KCNK9: variants seen among roughly 807,000 people sequenced by gnomAD.
KCNK9 encodes the protein potassium channel subfamily K member 9.
In KCNK9, 1 loss-of-function variant was observed where a neutral mutation model predicts 10.8. The observed-to-expected ratio is 0.09, with a 90% CI of 0.03 to 0.44. The LOEUF (loss-of-function observed/expected upper bound fraction) is 0.44, where lower values mean the gene tolerates loss of function less well. Ranked by LOEUF, KCNK9 falls within the 20% of genes least tolerant of loss-of-function variation. KCNK9 has a pLI of 0.97. For missense variants in KCNK9, 303 were observed against 515.0 expected (o/e 0.59, Z 3.98); for synonymous variants, 231 against 222.7 (o/e 1.04, Z -0.33).
intron 1 of KCNK9, among the ~76,000 whole-genome samples, chr8:139,687,544 A>G (rs1328575946): frequency 6.8e-5 from 9 of 132,568 alleles, no homozygotes; most frequent in African/African-American, 2.6e-4. Context: ...GTATACACAT[A>G]TATTCATATA....
intron 1 of KCNK9, among the ~76,000 whole-genome samples, chr8:139,695,346 G>A (rs567326603): frequency 1.9e-4 from 29 of 152,320 alleles, no homozygotes; most frequent in African/African-American, 6.7e-4. Flanking sequence ...AGCACATACA[G>A]GCTAAAATTT....
rs114758497 is a variant in KCNK9 at position 139,626,485 on chromosome 8, T to C, written c.284-7386A>G. Among the ~76,000 whole-genome samples the C allele has an allele frequency of 7.3e-3, 1,115 of 152,254 alleles. 8 individuals carry two copies. Among genetic ancestry groups the C allele is most frequent in the African/African-American group, 0.024 (1,005 of 41,554 alleles). ...GGGTGGAGTGGAGGAGCTCAGCCCC[T>C]GGTGTCAGGCCAGTCCAGGTTTGAG... On this transcript the variant is annotated intron_variant, in intron 1 of 1. Coordinates refer to ENST00000520439, the MANE Select transcript of KCNK9 (RefSeq NM_001282534.2).
At chr8:139,700,193 G>T (rs925423766) in intron 1 of KCNK9, among the ~76,000 whole-genome samples, 1 of 152,216 alleles carries the variant, frequency 6.6e-6, no homozygotes, top group East Asian at 1.9e-4. Context: ...ATCAGGCTTC[G>T]TCCAAGAGCG....
intron 1 of KCNK9, among the ~76,000 whole-genome samples, chr8:139,678,808 GGT>G (rs1294993059): frequency 6.6e-6 from 1 of 152,184 alleles, no homozygotes. Flanking sequence ...CAAGGTCCTA[GGT>G]CTACAGACAA....
In KCNK9 at chr8:139,702,289, C is replaced by T. The variant is rs1024738253; in HGVS notation, c.283+421G>A. On this transcript the variant is annotated intron_variant, in intron 1 of 1. Transcript: ENST00000520439. This position sits in a 1 kb window ranked among gnomAD's most constrained non-coding sequence, Gnocchi z 7.5. ...GAGTCCCTCTAGGAGCCATGGGTGC[C>T]AGGCCAGCCCTCTCCAACTCCCAGA... Among the ~76,000 whole-genome samples the T allele has an allele frequency of 1.3e-5, 2 of 152,320 alleles. No homozygotes were observed. Among genetic ancestry groups the T allele is most frequent in the African/African-American group, 4.8e-5 (2 of 41,582 alleles).
At chr8:139,626,921 C>A (rs758834305) in intron 1 of KCNK9, among the ~76,000 whole-genome samples, 5 of 152,196 alleles carry the variant, frequency 3.3e-5, no homozygotes, top group African/African-American at 1.2e-4. Context: ...CGGAAGCCTG[C>A]GGCAAGCATC....
chr8:139,702,835 T>C lies in KCNK9; in HGVS notation c.158A>G (p.Asn53Ser). ...CTGCCGGTAGTCCTCGCTGCTGATG[T>C]TGTACTTCCCCTTGATCCGGATCTC... is the stretch of plus-strand genomic sequence containing the variant. ...AEEIRIKGKY[N>S]ISSEDYRQLE... Residue 53 changes from asparagine (N) to serine (S), a missense_variant, in exon 1 of 2, where the codon AAC (asparagine) becomes AGC (serine). Around this residue, in one of 5 missense-constraint regions of KCNK9, gnomAD observed 58 missense variants for 102.4 expected, o/e 0.57. Transcript: ENST00000520439. The surrounding 1 kb of genome is among the most constrained non-coding windows in gnomAD (Gnocchi z 7.5). The C allele has an allele frequency of 6.2e-7, 1 of 1,613,896 alleles. No individual in the cohort carries two copies. The highest frequency in any genetic ancestry group is 8.5e-7 in the Non-Finnish European group (1 of 1,179,944).
At chr8:139,609,512 A>G (rs914283670), downstream of KCNK9, among the ~76,000 whole-genome samples, 5 of 152,134 alleles carry the variant, frequency 3.3e-5, no homozygotes, top group South Asian at 2.1e-4. Flanking sequence ...GCCAAGCCCA[A>G]AGGTAAATGC....
At chr8:139,610,295 G>A (rs1490922329), downstream of KCNK9, among the ~76,000 whole-genome samples, 1 of 152,164 alleles carries the variant, frequency 6.6e-6, no homozygotes, top group Non-Finnish European at 1.5e-5. Flanking sequence ...GGGGGTGAGG[G>A]GAACAAGTGC....
chr8:139,688,845 T>A (rs960758882), intron 1 of KCNK9, among the ~76,000 whole-genome samples: 1 of 152,210 alleles, frequency 6.6e-6, no homozygotes, highest in African/African-American at 2.4e-5. Flanking sequence ...CAGAACTAGG[T>A]GCTTTCATCT....
At chr8:139,617,116 C>T (rs917065362), downstream of KCNK9, 23 of 152,084 alleles carry the variant, frequency 1.5e-4, no homozygotes, top group Non-Finnish European at 1.9e-4. Context: ...CAATTAGAGA[C>T]GATATTTCTT....
intron 1 of KCNK9, among the ~76,000 whole-genome samples, chr8:139,688,593 T>G (rs34107158): frequency 0.29 from 19,127 of 65,726 alleles, 1,785 homozygotes; most frequent in African/African-American, 0.36. Flanking sequence ...GGATTACAAC[T>G]TGAGATGAAA....
At chr8:139,656,417 T>TC (rs1467978526) in intron 1 of KCNK9, among the ~76,000 whole-genome samples, 1 of 152,192 alleles carries the variant, frequency 6.6e-6, no homozygotes, top group East Asian at 1.9e-4. Context: ...CTCTGGGTCT[T>TC]CCCCACGCCG....
rs1169693665 is a variant in KCNK9 at position 139,617,636 on chromosome 8, G to A, written c.*622C>T. Among the ~76,000 whole-genome samples the A allele has an allele frequency of 2.0e-5, 3 of 152,106 alleles. No individual in the cohort carries two copies. The highest frequency in any genetic ancestry group is 1.9e-4 in the East Asian group (1 of 5,190). On this transcript the variant is annotated 3_prime_UTR_variant, in exon 2 of 2. Transcript: ENST00000520439. Reference sequence around the variant, plus strand: ...AAACATGCTTGATTTGGCAAAATACGATAAATCAAAAACCTTGTGGGTTTT... The same window carrying A: ...AAACATGCTTGATTTGGCAAAATACAATAAATCAAAAACCTTGTGGGTTTT...
intron 1 of KCNK9, among the ~76,000 whole-genome samples, chr8:139,647,260 G>C (rs1432259301): frequency 1.3e-5 from 2 of 152,232 alleles, no homozygotes; most frequent in African/African-American, 4.8e-5. Context: ...CCATTGCCAG[G>C]AGCCTGGGGG....
At chr8:139,699,993 C>T (rs1158067524) in intron 1 of KCNK9, among the ~76,000 whole-genome samples, 2 of 151,984 alleles carry the variant, frequency 1.3e-5, no homozygotes, top group Admixed American at 1.3e-4. Flanking sequence ...TATCACTGCC[C>T]AATAGGAGAC....
intron 1 of KCNK9, among the ~76,000 whole-genome samples, chr8:139,690,841 T>G (rs1816920813): frequency 6.6e-6 from 1 of 152,152 alleles, no homozygotes; most frequent in Admixed American, 6.5e-5. Flanking sequence ...TGGCCCTATT[T>G]CATAGTCTTG....
Position 139,702,956 on chromosome 8 carries a change from C to T in KCNK9, c.37G>A (p.Val13Ile). ...ACCAGCAGGTAGGTGAAGGTGCAGA[C>T]GATGAGGGACAGAGTCCGCACGTTC... ...RQNVRTLSLIVCTFTYLLVGA... is the reference protein window; with the variant it reads ...RQNVRTLSLIICTFTYLLVGA... Residue 13 changes from valine to isoleucine, a missense_variant, in exon 1 of 2, where the codon GTC becomes ATC. This residue lies in a region of KCNK9 where 58 missense variants were observed against 102.4 expected (regional missense o/e 0.57). Transcript: ENST00000520439. This position sits in a 1 kb window ranked among gnomAD's most constrained non-coding sequence, Gnocchi z 7.5. 1 of 1,607,326 alleles carries T rather than the reference C, an allele frequency of 6.2e-7. No homozygotes were observed. The highest frequency in any genetic ancestry group is 8.5e-7 in the Non-Finnish European group (1 of 1,177,194).
intron 2 of KCNK9, among the ~76,000 whole-genome samples, chr8:139,603,299 C>T (rs1586616720): frequency 1.3e-5 from 2 of 152,166 alleles, no homozygotes; most frequent in African/African-American, 4.8e-5. Context: ...GAATGACCAG[C>T]AGCAGGGGTG....
Sources: allele counts gnomAD v4.1 joint callset (sites outside exome capture counted in the v4.1 genomes callset), GRCh38; gene constraint gnomAD v4.1.1; regional missense constraint gnomAD v4.1.1; non-coding constraint Gnocchi (gnomAD v3.1); transcripts MANE v1.5; gene names NCBI Gene and HGNC (gene_info 2026-07-23, HGNC 2026-07-21).